Variants in PTTG1IP observed in about 807,000 individuals in gnomAD.
The protein encoded by PTTG1IP is pituitary tumor-transforming gene 1 protein-interacting protein.
PTTG1IP carries 16 observed loss-of-function variants against 24.4 expected under a neutral mutation model. That is an observed-to-expected ratio of 0.66 (90% CI 0.44 to 1.00). PTTG1IP has a LOEUF of 1.00. Ranked by LOEUF, PTTG1IP falls within the 50% of genes least tolerant of loss-of-function variation. The pLI is 0.00. For missense variants in PTTG1IP, 241 were observed against 245.8 expected, an observed-to-expected ratio of 0.98 and a Z score of 0.13; for synonymous variants, 89 against 96.8, an observed-to-expected ratio of 0.92 and a Z score of 0.47.
chr21:44,871,027 C>T (rs1054044739), intron 1 of PTTG1IP, among the ~76,000 whole-genome samples: 12 of 152,212 alleles, frequency 7.9e-5, no homozygotes, highest in African/African-American at 2.7e-4. Context: ...AGCAGCCAAA[C>T]GGGCATGGTG....
intron 3 of PTTG1IP, among the ~76,000 whole-genome samples, chr21:44,859,684 T>A (rs2083475920): frequency 6.6e-6 from 1 of 152,090 alleles, no homozygotes; most frequent in South Asian, 2.1e-4. Flanking sequence ...CAAACACACA[T>A]GCATCACACA....
intron 1 of PTTG1IP, among the ~76,000 whole-genome samples, chr21:44,872,204 T>C (rs978387104): frequency 6.6e-6 from 1 of 152,236 alleles, no homozygotes; most frequent in Non-Finnish European, 1.5e-5. Context: ...GAACTCAATC[T>C]GGGCCAAAAG....
chr21:44,851,187 C>T lies in PTTG1IP; in HGVS notation c.*394G>A. ...TCATGACAAAAGTCAAACCGACTTC[C>T]CTGTGTTGCGTGTGAAGCTTGTTAG... On this transcript the variant is annotated 3_prime_UTR_variant, in exon 6 of 6. Transcript: ENST00000330938. 1.3e-6 allele frequency: 1 copy of T among 775,366 alleles called. No homozygotes were observed. The allele number at this position is 775,366 out of a possible 1,614,324, so 48.0% of individuals were successfully genotyped here.
chr21:44,869,783 G>A (rs75583352), intron 1 of PTTG1IP, among the ~76,000 whole-genome samples: 5,021 of 152,244 alleles, frequency 0.033, 290 homozygotes, highest in African/African-American at 0.11. Context: ...ATCTGGGCAA[G>A]GAGACAGGGT....
intron 2 of PTTG1IP, among the ~76,000 whole-genome samples, chr21:44,862,448 G>A (rs1005313405): frequency 6.6e-6 from 1 of 152,222 alleles, no homozygotes; most frequent in African/African-American, 2.4e-5. Flanking sequence ...GAGCCCAGGA[G>A]GCGCAGGTTG....
In PTTG1IP at chr21:44,850,383, T is replaced by A. The variant is rs1349999940; in HGVS notation, c.*1198A>T. 6.6e-6 allele frequency: 1 copy of A among 152,206 alleles called. No homozygotes were observed. Among genetic ancestry groups the A allele is most frequent in the African/African-American group, 2.4e-5 (1 of 41,452 alleles). The allele number at this position is 152,206 out of a possible 1,614,324, so 9.4% of individuals were successfully genotyped here. A position where few individuals can be genotyped will look rare whatever the true frequency, so the allele number is the denominator to read the frequency against. On this transcript the variant is annotated 3_prime_UTR_variant, in exon 6 of 6. Transcript: ENST00000330938. Reference sequence around the variant, plus strand: ...TTGGTCTGCTTACTAAAGCCACGTATCCTGATTTTACAGAAACGTGGGCAG... The same window carrying A: ...TTGGTCTGCTTACTAAAGCCACGTAACCTGATTTTACAGAAACGTGGGCAG...
chr21:44,858,379 C>T (rs9980711), intron 3 of PTTG1IP, among the ~76,000 whole-genome samples: 31 of 152,338 alleles, frequency 2.0e-4, no homozygotes, highest in Admixed American at 1.1e-3. Context: ...CCTGAGGGCC[C>T]GGCCACAACT....
At chr21:44,860,770 C>T (rs2083484949) in intron 3 of PTTG1IP, among the ~76,000 whole-genome samples, 1 of 152,138 alleles carries the variant, frequency 6.6e-6, no homozygotes, top group Non-Finnish European at 1.5e-5. Flanking sequence ...ACTGGCAGCA[C>T]ATTTTCTAGC....
intron 1 of PTTG1IP, among the ~76,000 whole-genome samples, chr21:44,869,685 A>G (rs769895339): frequency 1.8e-4 from 28 of 152,264 alleles, no homozygotes; most frequent in Non-Finnish European, 3.4e-4. Context: ...TAAGGCAAAC[A>G]GAGCCAATGT....
rs2083606771 is a variant in PTTG1IP at position 44,873,424 on chromosome 21, A to T, written c.115+78T>A. On this transcript the variant is annotated intron_variant, in intron 1 of 5. Transcript: ENST00000330938. ...CCGCCGAGCCCAGCGCCCTGGCCGA[A>T]ACCCCGACCCCGACCCCGACCTGGA... 4.2e-6 allele frequency: 5 copies of T among 1,204,724 alleles called. No individual in the cohort carries two copies. In the East Asian group the frequency reaches 1.8e-4, roughly 43 times the overall value. The allele number at this position is 1,204,724 out of a possible 1,614,324, so 74.6% of individuals were successfully genotyped here. A position where few individuals can be genotyped will look rare whatever the true frequency, so the allele number is the denominator to read the frequency against.
intron 5 of PTTG1IP, among the ~76,000 whole-genome samples, chr21:44,853,507 CAAA>C (rs35396285): frequency 1.4e-4 from 13 of 94,798 alleles, no homozygotes; most frequent in Non-Finnish European, 1.3e-4. Context: ...GACTCCGTCT[CAAA>C]AAAAAAAAAA....
intron 3 of PTTG1IP, among the ~76,000 whole-genome samples, chr21:44,857,300 G>A (rs1174592797): frequency 2.0e-5 from 3 of 152,176 alleles, no homozygotes; most frequent in African/African-American, 7.2e-5. Context: ...AACAAAGTGA[G>A]ACCCAGCCCT....
At chr21:44,860,479 T>TGG (rs397824833) in intron 3 of PTTG1IP, among the ~76,000 whole-genome samples, 15 of 151,616 alleles carry the variant, frequency 9.9e-5, no homozygotes, top group African/African-American at 3.6e-4. Flanking sequence ...AAGAGGGCTG[T>TGG]CTACGCAAGC....
chr21:44,859,338 T>C (rs2083473043), intron 3 of PTTG1IP, among the ~76,000 whole-genome samples: 1 of 152,216 alleles, frequency 6.6e-6, no homozygotes, highest in Non-Finnish European at 1.5e-5. Context: ...TACTTTGCTG[T>C]GAGTGGTGAT....
intron 3 of PTTG1IP, among the ~76,000 whole-genome samples, chr21:44,857,476 G>C (rs1457699455): frequency 6.6e-6 from 1 of 152,248 alleles, no homozygotes; most frequent in Non-Finnish European, 1.5e-5. Flanking sequence ...AACACGGCAA[G>C]ACACCATCTT....
At chr21:44,873,352 G>A (rs1190716665) in intron 1 of PTTG1IP, 150 bp downstream of exon 1, 8 of 790,548 alleles carry the variant, frequency 1.0e-5, no homozygotes, top group South Asian at 1.3e-4. Context: ...CGTGACCCTC[G>A]AGGAGCCTCC....
intron 5 of PTTG1IP, among the ~76,000 whole-genome samples, chr21:44,854,293 A>C (rs1354532505): frequency 6.6e-6 from 1 of 152,242 alleles, no homozygotes; most frequent in Non-Finnish European, 1.5e-5. Flanking sequence ...AAGGCTCTGA[A>C]ATTTTCCAAT....
chr21:44,873,271 C>G (rs1410655259), intron 1 of PTTG1IP, among the ~76,000 whole-genome samples: 1 of 152,228 alleles, frequency 6.6e-6, no homozygotes, highest in Non-Finnish European at 1.5e-5. Flanking sequence ...AAAACAAAGA[C>G]AAAGACAAAG....
chr21:44,867,752 G>A (rs1039558489), intron 1 of PTTG1IP, among the ~76,000 whole-genome samples: 1 of 152,150 alleles, frequency 6.6e-6, no homozygotes, highest in African/African-American at 2.4e-5. Flanking sequence ...GTATACAAGC[G>A]CGCACCACAA....
Sources: allele counts gnomAD v4.1 joint callset (sites outside exome capture counted in the v4.1 genomes callset), GRCh38; gene constraint gnomAD v4.1.1; transcripts MANE v1.5; gene names NCBI Gene and HGNC (gene_info 2026-07-23, HGNC 2026-07-21).